The following BRD7 variants were observed in gnomAD, a reference collection of about 807,000 sequenced individuals.
The protein encoded by BRD7 is bromodomain-containing protein 7.
Under a neutral mutation model 82.1 loss-of-function variants are expected in BRD7, and 15 were observed. That is an observed-to-expected ratio of 0.18 (90% CI 0.12 to 0.28). The LOEUF (loss-of-function observed/expected upper bound fraction) is 0.28. Among genes scored for constraint, BRD7 ranks in the 10% least tolerant of loss-of-function variants. BRD7 has a pLI of 1.00. For synonymous variants in BRD7, 232 were observed against 266.9 expected, an observed-to-expected ratio of 0.87 and a Z score of 1.27; for missense variants, 638 against 779.9, an observed-to-expected ratio of 0.82 and a Z score of 2.17.
intron 8 of BRD7, among the ~76,000 whole-genome samples, chr16:50,329,815 A>T (rs925390197): frequency 2.0e-5 from 3 of 152,228 alleles, no homozygotes; most frequent in Non-Finnish European, 2.9e-5. Context: ...AATATTTTTT[A>T]AAAAAGAGCT....
intron 10 of BRD7, 115 bp downstream of exon 10, chr16:50,326,169 A>C (rs1348496313): frequency 2.3e-6 from 2 of 852,930 alleles, no homozygotes; most frequent in Non-Finnish European, 3.7e-6. Context: ...TTAATGTTGC[A>C]AAAATACCAC....
intron 9 of BRD7, among the ~76,000 whole-genome samples, chr16:50,327,243 G>A (rs1157431733): frequency 6.6e-6 from 1 of 152,194 alleles, no homozygotes; most frequent in Non-Finnish European, 1.5e-5. Flanking sequence ...TGTGCACACG[G>A]GGAGCCAAGT....
At chr16:50,328,327 T>C (rs1235272768) in intron 9 of BRD7, among the ~76,000 whole-genome samples, 1 of 152,210 alleles carries the variant, frequency 6.6e-6, no homozygotes, top group African/African-American at 2.4e-5. Flanking sequence ...TAATATCATA[T>C]TCTGTGTGTA....
intron 6 of BRD7, among the ~76,000 whole-genome samples, chr16:50,336,147 T>C (rs2037789212): frequency 6.6e-6 from 1 of 152,204 alleles, no homozygotes; most frequent in African/African-American, 2.4e-5. Context: ...ATTTAAAATA[T>C]TTTAATAACT....
intron 2 of BRD7, among the ~76,000 whole-genome samples, chr16:50,362,018 C>T (rs978571240): frequency 1.3e-5 from 2 of 152,190 alleles, no homozygotes; most frequent in Admixed American, 1.3e-4. Flanking sequence ...ATACTCATGA[C>T]TTACAATCTT....
intron 10 of BRD7, among the ~76,000 whole-genome samples, 196 bp downstream of exon 10, chr16:50,326,088 A>G (rs952504536): frequency 2.0e-5 from 3 of 152,240 alleles, no homozygotes; most frequent in Admixed American, 2.0e-4. Context: ...GAGGAACAAG[A>G]AAGAACAAAA....
intron 8 of BRD7, among the ~76,000 whole-genome samples, chr16:50,333,337 C>T (rs1181402399): frequency 6.6e-6 from 1 of 152,178 alleles, no homozygotes; most frequent in Non-Finnish European, 1.5e-5. Context: ...AATGGAGTTA[C>T]ATCCAACACG....
intron 4 of BRD7, 62 bp from the exon 5 acceptor site, chr16:50,350,229 T>C (rs2151187725): frequency 3.8e-6 from 5 of 1,304,668 alleles, no homozygotes; most frequent in Non-Finnish European, 5.0e-6. Context: ...TCTATTGGTC[T>C]AGGAGCAGAA....
At chr16:50,354,999 T>TA in intron 2 of BRD7, 77 bp from the exon 3 acceptor site, 1 of 1,471,508 alleles carries the variant, frequency 6.8e-7, no homozygotes, top group Non-Finnish European at 9.2e-7. Flanking sequence ...TTTTAAGGGG[T>TA]AAAAAGACAT....
At chr16:50,325,034 G>T (rs1287164045) in intron 11 of BRD7, among the ~76,000 whole-genome samples, 2 of 152,214 alleles carry the variant, frequency 1.3e-5, no homozygotes, top group Non-Finnish European at 2.9e-5. Flanking sequence ...GGGGACTGGT[G>T]AATCTACAGG....
intron 2 of BRD7, among the ~76,000 whole-genome samples, chr16:50,356,640 A>G (rs538101688): frequency 2.6e-4 from 40 of 152,128 alleles, no homozygotes; most frequent in Non-Finnish European, 5.0e-4. Context: ...CAGTGGTTCT[A>G]TCAGAAGGAA....
chr16:50,354,366 GA>G lies in BRD7; in HGVS notation c.446+58del. 2.1e-6 allele frequency: 3 copies of G among 1,410,148 alleles called. 1 individual carries two copies. The highest frequency in any genetic ancestry group is 9.9e-7 in the Non-Finnish European group (1 of 1,008,830). 87.4% of individuals were successfully genotyped at this position (1,410,148 alleles called of 1,614,324 possible). A position where few individuals can be genotyped will look rare whatever the true frequency, so the allele number is the denominator to read the frequency against. Reference sequence around the variant, plus strand: ...TGGAGTTAGGCACAAATGTGGTTTGGATCCTACACATCTACCATTTTAATTT... The same window carrying G: ...TGGAGTTAGGCACAAATGTGGTTTGGTCCTACACATCTACCATTTTAATTT... On this transcript the variant is annotated intron_variant, in intron 4 of 16. Transcript: ENST00000394688.
intron 7 of BRD7, 40 bp from the exon 8 acceptor site, chr16:50,333,737 GAT>G: frequency 7.3e-7 from 1 of 1,373,230 alleles, no homozygotes; most frequent in South Asian, 1.3e-5. Flanking sequence ...AAAAAACAAA[GAT>G]AAGTAAGATG....
chr16:50,341,854 T>C (rs2038069492), intron 5 of BRD7, among the ~76,000 whole-genome samples: 4 of 151,442 alleles, frequency 2.6e-5, no homozygotes, highest in South Asian at 2.1e-4. Context: ...AATCTTAACA[T>C]AATGTGCTGG....
rs2037979845 is a variant in BRD7, at chr16:50,339,961, A to C, written c.702+15T>G. On this transcript the variant is annotated intron_variant, in intron 6 of 16. Transcript: ENST00000394688. ...ATTTTAATAACTATTATTTATGACA[A>C]AGAGTTTCCTTTACCTGGCTAAGAA... 2 of 1,472,868 alleles carry C rather than the reference A, an allele frequency of 1.4e-6. No homozygotes were observed. Among genetic ancestry groups the C allele is most frequent in the East Asian group, 2.3e-5 (1 of 42,980 alleles). The allele number at this position is 1,472,868 out of a possible 1,614,324, so 91.2% of individuals were successfully genotyped here. A position where few individuals can be genotyped will look rare whatever the true frequency, so the allele number is the denominator to read the frequency against.
In BRD7 at chr16:50,344,567, C is replaced by T. The variant is rs188145278; in HGVS notation, c.592-4481G>A. ...CTACATTAAATAGGGTAGAGAAGACCTTAACTGACCTGATGGAGCTGAAAA... is the reference window on the plus strand; with the variant it reads ...CTACATTAAATAGGGTAGAGAAGACTTTAACTGACCTGATGGAGCTGAAAA... On this transcript the variant is annotated intron_variant, in intron 5 of 16. Coordinates refer to ENST00000394688, the MANE Select transcript of BRD7 (RefSeq NM_013263.5). 1.2e-4 allele frequency among the ~76,000 whole-genome samples: 19 copies of T among 152,228 alleles called. 1 individual carries two copies. Among genetic ancestry groups the T allele is most frequent in the Middle Eastern group, 3.4e-3 (1 of 294 alleles).
intron 6 of BRD7, among the ~76,000 whole-genome samples, chr16:50,336,854 A>G (rs1050333158): frequency 3.3e-5 from 5 of 152,240 alleles, no homozygotes; most frequent in Non-Finnish European, 7.3e-5. Context: ...TTCCTTTGAA[A>G]GCAATGTCTT....
At chr16:50,368,535 A>AG in intron 1 of BRD7, 191 bp downstream of exon 1, 1 of 705,232 alleles carries the variant, frequency 1.4e-6, no homozygotes, top group Non-Finnish European at 2.2e-6. Flanking sequence ...CCACCGGACC[A>AG]GGGGGACCCG....
At chr16:50,366,194 C>T (rs756343577) in intron 2 of BRD7, among the ~76,000 whole-genome samples, 1 of 152,124 alleles carries the variant, frequency 6.6e-6, no homozygotes, top group Non-Finnish European at 1.5e-5. Context: ...CATGTTAGAA[C>T]TTATAAAATC....
Sources: allele counts gnomAD v4.1 joint callset (sites outside exome capture counted in the v4.1 genomes callset), GRCh38; gene constraint gnomAD v4.1.1; transcripts MANE v1.5; gene names NCBI Gene and HGNC (gene_info 2026-07-23, HGNC 2026-07-21).